Variants in DPP10 observed in about 807,000 individuals in gnomAD.
The protein encoded by DPP10 is dipeptidyl peptidase like 10, also known as inactive dipeptidyl peptidase 10.
DPP10 carries 33 observed loss-of-function variants against 120.9 expected under a neutral mutation model. The ratio of observed to expected loss-of-function variants is 0.27; its 90% CI spans 0.21 to 0.37. The LOEUF (loss-of-function observed/expected upper bound fraction) is 0.37. Among genes scored for constraint, DPP10 ranks in the 10% least tolerant of loss-of-function variants. The pLI, the probability that DPP10 is intolerant of heterozygous loss-of-function variation, is 1.00. For missense variants in DPP10, 816 were observed against 942.8 expected (o/e 0.87, Z 1.76); for synonymous variants, 337 against 326.1 (o/e 1.03, Z -0.36).
chr2:115,280,062 G>C (rs1158854767), intron 1 of DPP10, among the ~76,000 whole-genome samples: 1 of 152,142 alleles, frequency 6.6e-6, no homozygotes, highest in Non-Finnish European at 1.5e-5. Flanking sequence ...TAAATAAACT[G>C]TAGAAGGGTA....
At chr2:115,032,157 AT>A (rs1421427151) in intron 1 of DPP10, among the ~76,000 whole-genome samples, 3 of 150,152 alleles carry the variant, frequency 2.0e-5, no homozygotes, top group Admixed American at 6.7e-5. Flanking sequence ...CCTGGAATCC[AT>A]TTTTTTTCCT....
At chr2:115,220,692 C>T (rs1256369654) in intron 1 of DPP10, among the ~76,000 whole-genome samples, 1 of 152,166 alleles carries the variant, frequency 6.6e-6, no homozygotes, top group Non-Finnish European at 1.5e-5. Flanking sequence ...ATTAGACTTG[C>T]CTAAACTTGT....
At chr2:114,782,174 A>C (rs1432560096) in intron 1 of DPP10, among the ~76,000 whole-genome samples, 1 of 151,884 alleles carries the variant, frequency 6.6e-6, no homozygotes, top group African/African-American at 2.4e-5. Flanking sequence ...TTTTAATGGA[A>C]TCTTCATACT....
chr2:114,839,541 G>A (rs1687993092), intron 1 of DPP10, among the ~76,000 whole-genome samples: 1 of 152,172 alleles, frequency 6.6e-6, no homozygotes, highest in South Asian at 2.1e-4. Context: ...TGCCAACTTA[G>A]TGATTTTCGT....
intron 1 of DPP10, among the ~76,000 whole-genome samples, chr2:114,510,640 T>A (rs10779890): frequency 0.67 from 101,373 of 151,954 alleles, 33,948 homozygotes; most frequent in Middle Eastern, 0.71. Flanking sequence ...CAAACAAAAA[T>A]CCTAAATGGG....
intron 1 of DPP10, among the ~76,000 whole-genome samples, chr2:114,552,837 C>T (rs886449571): frequency 9.2e-5 from 14 of 152,290 alleles, no homozygotes; most frequent in Non-Finnish European, 1.8e-4. Context: ...TGAGCCACTG[C>T]ACCTTGCCCA....
intron 1 of DPP10, among the ~76,000 whole-genome samples, chr2:114,910,001 T>C (rs548719542): frequency 1.3e-5 from 2 of 151,974 alleles, no homozygotes; most frequent in Middle Eastern, 3.4e-3. Context: ...TCTATGTATC[T>C]ATATCTATAT....
At chr2:115,706,160 G>GA (rs1277501933) in intron 7 of DPP10, among the ~76,000 whole-genome samples, 1 of 151,864 alleles carries the variant, frequency 6.6e-6, no homozygotes, top group African/African-American at 2.4e-5. Context: ...GCAGGTATGT[G>GA]GGACAAATAT....
intron 1 of DPP10, among the ~76,000 whole-genome samples, chr2:115,123,274 A>G (rs745457787): frequency 8.5e-5 from 13 of 152,224 alleles, no homozygotes; most frequent in South Asian, 2.1e-4. Context: ...AAGAGGGCCA[A>G]GTAGGTGACT....
chr2:115,808,118 G>A (rs1431000972), intron 19 of DPP10, among the ~76,000 whole-genome samples: 1 of 152,204 alleles, frequency 6.6e-6, no homozygotes, highest in African/African-American at 2.4e-5. Context: ...CCAGACACGT[G>A]TTCGAGAGAT....
In DPP10 at chr2:114,798,667, G is replaced by T. The variant is rs534396542; in HGVS notation, c.60+355829G>T. 3.9e-5 allele frequency among the ~76,000 whole-genome samples: 6 copies of T among 152,262 alleles called. No homozygotes were observed. In the South Asian group the frequency reaches 1.2e-3, roughly 32 times the overall value. Reference sequence around the variant, plus strand: ...AAAGGGCATGACAGTGACAGGGGTGGGGGCACGAGGAGGAGAATGCTAAGG... The same window carrying T: ...AAAGGGCATGACAGTGACAGGGGTGTGGGCACGAGGAGGAGAATGCTAAGG... On this transcript the variant is annotated intron_variant, in intron 1 of 25. Coordinates refer to ENST00000410059, the MANE Select transcript of DPP10 (RefSeq NM_020868.6).
chr2:114,494,112 A>AC (rs1553450317), intron 1 of DPP10, among the ~76,000 whole-genome samples: 3 of 146,952 alleles, frequency 2.0e-5, no homozygotes, highest in East Asian at 2.0e-4. Context: ...AAAAAAAAAA[A>AC]AAAAAAAAAC....
At chr2:114,557,858 C>T (rs1008871463) in intron 1 of DPP10, among the ~76,000 whole-genome samples, 5 of 152,154 alleles carry the variant, frequency 3.3e-5, no homozygotes, top group Non-Finnish European at 5.9e-5. Flanking sequence ...ATCCTTATCT[C>T]AGAGCCAAAT....
intron 1 of DPP10, among the ~76,000 whole-genome samples, chr2:115,020,423 T>C (rs184419786): frequency 6.6e-6 from 1 of 152,234 alleles, no homozygotes. Context: ...AGAGGGACAT[T>C]ATATAATGAT....
chr2:114,538,685 A>G (rs1431446248), intron 1 of DPP10, among the ~76,000 whole-genome samples: 1 of 152,198 alleles, frequency 6.6e-6, no homozygotes, highest in African/African-American at 2.4e-5. Flanking sequence ...CATTAATATA[A>G]CATAGATTTA....
At chr2:115,632,908 A>G (rs575577127) in intron 5 of DPP10, among the ~76,000 whole-genome samples, 13 of 152,252 alleles carry the variant, frequency 8.5e-5, no homozygotes, top group African/African-American at 2.9e-4. Context: ...TTAGAATGGC[A>G]GTCATTAAAA....
At chr2:114,652,552 A>G (rs1276661962) in intron 1 of DPP10, among the ~76,000 whole-genome samples, 2 of 152,196 alleles carry the variant, frequency 1.3e-5, no homozygotes. Context: ...GAATTCATTT[A>G]ATCATTTAAC....
At chr2:115,007,197 C>T (rs1243463406) in intron 1 of DPP10, among the ~76,000 whole-genome samples, 1 of 152,108 alleles carries the variant, frequency 6.6e-6, no homozygotes, top group Admixed American at 6.6e-5. Context: ...CAAACCGAAT[C>T]CAGCAGCACA....
intron 1 of DPP10, among the ~76,000 whole-genome samples, chr2:115,239,767 G>A (rs1396724489): frequency 6.6e-6 from 1 of 151,844 alleles, no homozygotes; most frequent in Non-Finnish European, 1.5e-5. Flanking sequence ...CCCACCCTCC[G>A]ACAGGCCCCA....
Sources: allele counts gnomAD v4.1 joint callset (sites outside exome capture counted in the v4.1 genomes callset), GRCh38; gene constraint gnomAD v4.1.1; transcripts MANE v1.5; gene names NCBI Gene and HGNC (gene_info 2026-07-23, HGNC 2026-07-21).